Variants in FGGY observed in about 807,000 individuals in gnomAD.
FGGY encodes the protein FGGY carbohydrate kinase domain-containing protein.
In FGGY, 72 loss-of-function variants were observed where a neutral mutation model predicts 71.3. The observed-to-expected ratio is 1.01, with a 90% confidence interval of 0.84 to 1.23. The LOEUF (loss-of-function observed/expected upper bound fraction) is 1.23, where lower values mean the gene tolerates loss of function less well. Ranked by LOEUF, FGGY falls within the 50% of genes most tolerant of loss-of-function variation. FGGY has a pLI of 0.00. For missense variants in FGGY, 668 were observed against 682.3 expected (o/e 0.98, Z 0.23); for synonymous variants, 251 against 250.3 (o/e 1.00, Z -0.02).
At chr1:59,547,329 C>A (rs1003663166) in intron 7 of FGGY, among the ~76,000 whole-genome samples, 13 of 152,082 alleles carry the variant, frequency 8.5e-5, no homozygotes, top group African/African-American at 2.7e-4. Context: ...GGCATTTTGA[C>A]AGTAAGTCCT....
intron 6 of FGGY, among the ~76,000 whole-genome samples, chr1:59,493,132 A>ACACACACACACACAC (rs1200996976): frequency 1.8e-5 from 1 of 54,814 alleles, no homozygotes; most frequent in South Asian, 7.2e-4. Context: ...CACACACACA[A>ACACACACACACACAC]AACAGAAAGT....
At chr1:59,717,684 G>A (rs1346570039) in intron 14 of FGGY, among the ~76,000 whole-genome samples, 4 of 152,138 alleles carry the variant, frequency 2.6e-5, no homozygotes, top group Admixed American at 1.3e-4. Context: ...ATAGTTGAGG[G>A]ACATAAGACT....
At chr1:59,450,840 AT>A (rs1367732558) in intron 5 of FGGY, among the ~76,000 whole-genome samples, 2 of 152,004 alleles carry the variant, frequency 1.3e-5, no homozygotes, top group Non-Finnish European at 2.9e-5. Flanking sequence ...TTTGATACTT[AT>A]ATTGTCATTT....
At chr1:59,717,440 G>T (rs1409791472) in intron 14 of FGGY, among the ~76,000 whole-genome samples, 1 of 152,144 alleles carries the variant, frequency 6.6e-6, no homozygotes. Flanking sequence ...ATGGTTTAGA[G>T]CATAGGATAC....
At chr1:59,705,561 A>G (rs1419134800) in intron 14 of FGGY, among the ~76,000 whole-genome samples, 2 of 152,172 alleles carry the variant, frequency 1.3e-5, no homozygotes, top group African/African-American at 4.8e-5. Flanking sequence ...CTAAAACTCC[A>G]TTGGGATCAG....
intron 6 of FGGY, among the ~76,000 whole-genome samples, chr1:59,463,613 A>T (rs1468892564): frequency 1.3e-5 from 2 of 151,862 alleles, no homozygotes; most frequent in African/African-American, 4.8e-5. Flanking sequence ...TATTCAGGAA[A>T]CCCGTCTCAC....
intron 5 of FGGY, among the ~76,000 whole-genome samples, chr1:59,448,581 A>C (rs1250068833): frequency 6.6e-6 from 1 of 152,200 alleles, no homozygotes; most frequent in Non-Finnish European, 1.5e-5. Flanking sequence ...GAAGCCATTA[A>C]AAAATGATTA....
chr1:59,347,081 CCT>C (rs1337086593), intron 4 of FGGY, among the ~76,000 whole-genome samples: 1 of 122,284 alleles, frequency 8.2e-6, no homozygotes, highest in Non-Finnish European at 1.6e-5. Flanking sequence ...CCTTTTTTTT[CCT>C]CTTTTTTTTT....
At chr1:59,646,265 T>A (rs890638894) in intron 11 of FGGY, among the ~76,000 whole-genome samples, 6 of 152,198 alleles carry the variant, frequency 3.9e-5, no homozygotes, top group African/African-American at 7.2e-5. Flanking sequence ...CATGGTCTCT[T>A]TGATATGAGT....
At chr1:59,434,768 C>T (rs2068065266) in intron 5 of FGGY, among the ~76,000 whole-genome samples, 2 of 151,756 alleles carry the variant, frequency 1.3e-5, no homozygotes, top group African/African-American at 4.9e-5. Context: ...TCTTCATGAC[C>T]TAATCACCTC....
intron 10 of FGGY, 99 bp downstream of exon 10, chr1:59,626,148 TGAAAA>T: frequency 1.1e-6 from 1 of 889,152 alleles, no homozygotes; most frequent in Non-Finnish European, 1.8e-6. Context: ...CTACAGACAA[TGAAAA>T]TGCCTGTTAG....
At chr1:59,639,020 T>C (rs924340272) in intron 11 of FGGY, among the ~76,000 whole-genome samples, 5 of 152,042 alleles carry the variant, frequency 3.3e-5, no homozygotes, top group African/African-American at 1.2e-4. Flanking sequence ...ACCAGGAGAA[T>C]CATGTTTGAG....
intron 6 of FGGY, among the ~76,000 whole-genome samples, chr1:59,457,588 G>A (rs764838462): frequency 4.1e-4 from 63 of 152,082 alleles, no homozygotes; most frequent in African/African-American, 1.4e-3. Flanking sequence ...CATGCAGCTT[G>A]GGCAACAGAC....
chr1:59,508,221 C>G (rs555148573), intron 6 of FGGY, among the ~76,000 whole-genome samples: 6 of 152,314 alleles, frequency 3.9e-5, no homozygotes, highest in Non-Finnish European at 8.8e-5. Context: ...TTTCACCTTT[C>G]TAGCATTTTC....
intron 9 of FGGY, among the ~76,000 whole-genome samples, chr1:59,621,737 C>T (rs1232778300): frequency 6.6e-6 from 1 of 151,678 alleles, no homozygotes; most frequent in Non-Finnish European, 1.5e-5. Flanking sequence ...TTTTTTTCCT[C>T]TGGCTGCTTT....
At chr1:59,618,152 G>A (rs886914748) in intron 9 of FGGY, among the ~76,000 whole-genome samples, 3 of 151,990 alleles carry the variant, frequency 2.0e-5, no homozygotes, top group African/African-American at 7.2e-5. Flanking sequence ...AAGAAAGTTG[G>A]ATACAGAACT....
rs146105420 is a variant in FGGY at position 59,351,002 on chromosome 1, G to A, written c.465+4604G>A. On this transcript the variant is annotated intron_variant, in intron 4 of 15. Coordinates refer to ENST00000303721, the MANE Select transcript of FGGY (RefSeq NM_018291.5). ...CAAATCTGGCCTACTGCCTGTTATT[G>A]GATGGCTTGAGAAAATGTAAATGGT... is the stretch of plus-strand genomic sequence containing the variant. 7.0e-4 allele frequency among the ~76,000 whole-genome samples: 106 copies of A among 152,306 alleles called. 2 individuals carry two copies. The East Asian group carries it at 0.018, about 26-fold the overall frequency.
At chr1:59,509,827 A>C (rs1170316001) in intron 6 of FGGY, among the ~76,000 whole-genome samples, 1 of 152,176 alleles carries the variant, frequency 6.6e-6, no homozygotes, top group African/African-American at 2.4e-5. Flanking sequence ...GTTTCTTCCT[A>C]AATTACTATA....
At chr1:59,425,152 C>T (rs553348276) in intron 5 of FGGY, among the ~76,000 whole-genome samples, 5 of 152,180 alleles carry the variant, frequency 3.3e-5, no homozygotes, top group South Asian at 4.2e-4. Context: ...TAATGCCTAG[C>T]GTACATTAGG....
Sources: gnomAD v4.1 joint callset for allele counts (sites outside exome capture counted in the v4.1 genomes callset) on GRCh38, gnomAD v4.1.1 for gene constraint, MANE v1.5 for transcripts, NCBI Gene and HGNC (gene_info 2026-07-23, HGNC 2026-07-21) for gene names.